Variants in RAPH1 observed in about 807,000 individuals in gnomAD.
RAPH1 encodes the protein ras-associated and pleckstrin homology domains-containing protein 1.
In RAPH1, 18 loss-of-function variants were observed where a neutral mutation model predicts 88.1. The observed-to-expected ratio is 0.20, with a 90% confidence interval of 0.14 to 0.30. The LOEUF (loss-of-function observed/expected upper bound fraction) is 0.30, where lower values mean the gene tolerates loss of function less well. Ranked by LOEUF, RAPH1 falls within the 10% of genes least tolerant of loss-of-function variation. The pLI is 1.00. For missense variants in RAPH1, 1,448 were observed against 1,543.2 expected, an observed-to-expected ratio of 0.94 and a Z score of 1.03; for synonymous variants, 587 against 559.0, an observed-to-expected ratio of 1.05 and a Z score of -0.71.
At chr2:203,454,111 A>C (rs1364691676) in intron 10 of RAPH1, among the ~76,000 whole-genome samples, 1 of 152,204 alleles carries the variant, frequency 6.6e-6, no homozygotes, top group Non-Finnish European at 1.5e-5. Context: ...TATGACCTAC[A>C]TTCGGCTCTG....
rs5837857 is a variant in RAPH1, at chr2:203,505,441, A to ACCCC, written c.1-10092_1-10089dup. 5.3e-5 allele frequency among the ~76,000 whole-genome samples: 8 copies of ACCCC among 150,720 alleles called. No individual in the cohort carries two copies. In the East Asian group the frequency reaches 1.6e-3, roughly 29 times the overall value. Reference sequence around the variant, plus strand: ...AAAGACTGGCCGCCATGATTAAATTACCCCCCCCGGGTCCCTCCCACAACA... The same window carrying ACCCC: ...AAAGACTGGCCGCCATGATTAAATTACCCCCCCCCCCCGGGTCCCTCCCACAACA... On this transcript the variant is annotated intron_variant, in intron 1 of 13. Transcript: ENST00000319170.
rs1488308709 is a variant in RAPH1, at chr2:203,434,056, C to CTATCTATATATATATATA, written c.*5380_*5381insTATATATATATATAGATA. On this transcript the variant is annotated 3_prime_UTR_variant, in exon 14 of 14. Coordinates refer to ENST00000319170, the MANE Select transcript of RAPH1 (RefSeq NM_213589.3). Reference sequence around the variant, plus strand: ...CTCTCTCATATATCTATCTATCTATCTATATATATATATATATATATATAG... The same window carrying CTATCTATATATATATATA: ...CTCTCTCATATATCTATCTATCTATCTATCTATATATATATATATATATATATATATATATATATATAG... 2.1e-5 allele frequency: 3 copies of CTATCTATATATATATATA among 145,644 alleles called. No individual in the cohort carries two copies. The highest frequency in any genetic ancestry group is 7.6e-5 in the African/African-American group (3 of 39,220). 9.0% of individuals were successfully genotyped at this position (145,644 alleles called of 1,614,324 possible).
intron 2 of RAPH1, among the ~76,000 whole-genome samples, chr2:203,494,962 T>C (rs749864951): frequency 9.9e-5 from 15 of 152,280 alleles, no homozygotes; most frequent in Non-Finnish European, 1.9e-4. Context: ...TTTTAGCTAA[T>C]TATCTCATAT....
In RAPH1 at chr2:203,491,205, A is replaced by T; in HGVS notation, c.226+9T>A. Reference sequence around the variant, plus strand: ...ACTATTTTACATTTTATTTCCAATTACATCTTACCATTCAAGTTGTATATG... The same window carrying T: ...ACTATTTTACATTTTATTTCCAATTTCATCTTACCATTCAAGTTGTATATG... On this transcript the variant is annotated intron_variant, in intron 3 of 13. Coordinates refer to ENST00000319170, the MANE Select transcript of RAPH1 (RefSeq NM_213589.3). 1 of 1,569,776 alleles carries T rather than the reference A, an allele frequency of 6.4e-7. No individual in the cohort carries two copies. The highest frequency in any genetic ancestry group is 1.1e-5 in the South Asian group (1 of 89,534).
chr2:203,491,202 A>G lies in RAPH1; in HGVS notation c.226+12T>C. The G allele has an allele frequency of 6.4e-7, 1 of 1,560,056 alleles. No homozygotes were observed. The highest frequency in any genetic ancestry group is 1.1e-5 in the South Asian group (1 of 89,296). ...CATACTATTTTACATTTTATTTCCA[A>G]TTACATCTTACCATTCAAGTTGTAT... On this transcript the variant is annotated intron_variant, in intron 3 of 13. Transcript: ENST00000319170.
intron 4 of RAPH1, among the ~76,000 whole-genome samples, chr2:203,463,933 A>G (rs1237154847): frequency 6.6e-6 from 1 of 152,200 alleles, no homozygotes; most frequent in Non-Finnish European, 1.5e-5. Context: ...AAATTACCAA[A>G]ACTTATATGC....
chr2:203,532,140 C>T (rs1454238420), intron 1 of RAPH1, among the ~76,000 whole-genome samples: 1 of 152,048 alleles, frequency 6.6e-6, no homozygotes, highest in African/African-American at 2.4e-5. Flanking sequence ...TTGTGTGAGT[C>T]AAAAGTAGAA....
At chr2:203,486,111 A>G (rs1687958415) in intron 4 of RAPH1, among the ~76,000 whole-genome samples, 1 of 151,996 alleles carries the variant, frequency 6.6e-6, no homozygotes, top group Non-Finnish European at 1.5e-5. Flanking sequence ...AAAAAAAGAA[A>G]GAAAAGAAAT....
intron 4 of RAPH1, among the ~76,000 whole-genome samples, chr2:203,481,484 G>T (rs1238361363): frequency 6.6e-6 from 1 of 150,752 alleles, no homozygotes; most frequent in African/African-American, 2.4e-5. Flanking sequence ...TCCTTCTACT[G>T]GATATTATAT....
Position 203,440,370 on chromosome 2 carries a change from T to C in RAPH1, c.2820A>G (p.Pro940=), listed in dbSNP as rs3814365. ...PPPSPVPAPP[P]PPPPTASPTP... is the part of the protein sequence containing the mutation. Reference sequence around the variant, plus strand: ...TAGGAGAAGCTGTGGGTGGAGGTGGTGGTGGTGGGGCTGGGACAGGTGATG... The same window carrying C: ...TAGGAGAAGCTGTGGGTGGAGGTGGCGGTGGTGGGGCTGGGACAGGTGATG... The change falls in exon 14 of 14, where the codon CCA becomes CCG. Residue 940 remains proline (P), a synonymous_variant. Transcript: ENST00000319170. The C allele has an allele frequency of 0.54, 855,319 of 1,578,334 alleles. 236,589 individuals carry two copies. The highest frequency in any genetic ancestry group is 0.64 in the Middle Eastern group (3,826 of 5,940).
rs369649641 is a variant in RAPH1 at position 203,438,070 on chromosome 2, C to T, written c.*1367G>A. On this transcript the variant is annotated 3_prime_UTR_variant, in exon 14 of 14. Coordinates refer to ENST00000319170, the MANE Select transcript of RAPH1 (RefSeq NM_213589.3). The stretch of plus-strand genomic sequence containing the variant: ...TTAGAGCACTGACTCCACGTTATAC[C>T]AAACTGCACACGCATAAAACGTAAT... 1.2e-5 allele frequency: 6 copies of T among 498,992 alleles called. No individual in the cohort carries two copies. In the Admixed American group the frequency reaches 1.2e-4, roughly 10 times the overall value. 30.9% of individuals were successfully genotyped at this position (498,992 alleles called of 1,614,324 possible). A position where few individuals can be genotyped will look rare whatever the true frequency, so the allele number is the denominator to read the frequency against.
At chr2:203,482,345 C>T (rs1687768457) in intron 4 of RAPH1, among the ~76,000 whole-genome samples, 1 of 152,116 alleles carries the variant, frequency 6.6e-6, no homozygotes, top group Non-Finnish European at 1.5e-5. Flanking sequence ...GCCACCATGC[C>T]TGGCTAATTT....
intron 1 of RAPH1, among the ~76,000 whole-genome samples, chr2:203,532,237 T>C (rs576855742): frequency 6.6e-6 from 1 of 152,314 alleles, no homozygotes; most frequent in East Asian, 1.9e-4. Context: ...TGTCACCCAG[T>C]GTGCATGATC....
intron 4 of RAPH1, chr2:203,476,956 A>T: frequency 1.5e-6 from 1 of 674,686 alleles, no homozygotes. Flanking sequence ...CTAATTTATT[A>T]AGTTTGGTTT....
intron 7 of RAPH1, among the ~76,000 whole-genome samples, chr2:203,458,198 C>T (rs374479743): frequency 6.6e-6 from 1 of 151,990 alleles, no homozygotes; most frequent in Non-Finnish European, 1.5e-5. Flanking sequence ...GGTGAAACCC[C>T]GTCTCTACTA....
chr2:203,516,254 G>T (rs577223088), intron 1 of RAPH1, among the ~76,000 whole-genome samples: 87 of 152,104 alleles, frequency 5.7e-4, no homozygotes, highest in African/African-American at 1.9e-3. Context: ...AAAAGTAAGA[G>T]AAATACAACT....
At chr2:203,469,878 T>A (rs978903420) in intron 4 of RAPH1, among the ~76,000 whole-genome samples, 1 of 152,214 alleles carries the variant, frequency 6.6e-6, no homozygotes, top group African/African-American at 2.4e-5. Flanking sequence ...GAAGCAAAGT[T>A]TGCTAAAGAA....
intron 4 of RAPH1, among the ~76,000 whole-genome samples, chr2:203,488,588 TAAAAAAAAAAAAA>T (rs750783858): frequency 1.1e-4 from 4 of 36,666 alleles, no homozygotes; most frequent in South Asian, 2.9e-3. Flanking sequence ...CTCCGTCTAT[TAAAAAAAAAAAAA>T]AAAAAAAAAA....
At chr2:203,470,801 G>C (rs572741396) in intron 4 of RAPH1, among the ~76,000 whole-genome samples, 1 of 152,276 alleles carries the variant, frequency 6.6e-6, no homozygotes, top group South Asian at 2.1e-4. Context: ...TTCAATGATA[G>C]CTGCACCAAG....
Sources: gnomAD v4.1 joint callset for allele counts (sites outside exome capture counted in the v4.1 genomes callset) on GRCh38, gnomAD v4.1.1 for gene constraint, MANE v1.5 for transcripts, NCBI Gene and HGNC (gene_info 2026-07-23, HGNC 2026-07-21) for gene names.